Variants in FUNDC2 observed in about 807,000 individuals in gnomAD.
FUNDC2 encodes the protein FUN14 domain-containing protein 2.
In FUNDC2, 4 loss-of-function variants were observed where a neutral mutation model predicts 15.6. The observed-to-expected ratio is 0.26, with a 90% confidence interval of 0.13 to 0.59. The LOEUF (loss-of-function observed/expected upper bound fraction) is 0.59, where lower values mean the gene tolerates loss of function less well. Among genes scored for constraint, FUNDC2 ranks in the 20% least tolerant of loss-of-function variants. FUNDC2 has a pLI of 0.90. For synonymous variants in FUNDC2, 44 were observed against 56.9 expected, an observed-to-expected ratio of 0.77 and a Z score of 1.02; for missense variants, 98 against 149.7, an observed-to-expected ratio of 0.65 and a Z score of 1.80.
intron 2 of FUNDC2, among the ~76,000 whole-genome samples, chrX:155,034,503 T>C (rs1258353611): frequency 8.9e-6 from 1 of 111,827 alleles, no homozygotes; most frequent in Non-Finnish European, 1.9e-5. Context: ...CCAGTGTATA[T>C]GTGCATACAT....
chrX:155,030,868 G>A (rs1359532719), intron 1 of FUNDC2, among the ~76,000 whole-genome samples: 10 of 109,212 alleles, frequency 9.2e-5, no homozygotes, highest in Non-Finnish European at 1.9e-4. Context: ...GGTATTTTTA[G>A]TAGAGACGGG....
chrX:155,037,164 C>A (rs782394115), intron 2 of FUNDC2, among the ~76,000 whole-genome samples: 12 of 111,310 alleles, frequency 1.1e-4, no homozygotes, highest in Admixed American at 6.7e-4. Context: ...TTTTTGATAC[C>A]ATTATAAATG....
intron 2 of FUNDC2, among the ~76,000 whole-genome samples, chrX:155,036,677 A>C (rs1340601769): frequency 2.7e-5 from 3 of 110,686 alleles, no homozygotes; most frequent in African/African-American, 6.6e-5. Flanking sequence ...TAAGGTAGGA[A>C]TCCAAGTTTT....
At chrX:155,053,261 T>C (rs2073884115) in intron 4 of FUNDC2, among the ~76,000 whole-genome samples, 1 of 112,445 alleles carries the variant, frequency 8.9e-6, no homozygotes, top group Admixed American at 9.4e-5. Context: ...AGAGGGAGTT[T>C]GTTATAAAGT....
rs782090496 is a variant in FUNDC2 at position 155,055,019 on chromosome X, A to G, written c.*347A>G. 775 of 318,663 alleles carry G rather than the reference A, an allele frequency of 2.4e-3. 7 individuals are homozygous for G. The highest frequency in any genetic ancestry group is 0.019 in the African/African-American group (711 of 37,869). 26.3% of individuals were successfully genotyped at this position (318,663 alleles called of 1,213,427 possible). Reference sequence around the variant, plus strand: ...AGTGGATCCTGAAAGGTTGTCCCAAACTGTTGATTTGGAAAAGAAATAAGC... The same window carrying G: ...AGTGGATCCTGAAAGGTTGTCCCAAGCTGTTGATTTGGAAAAGAAATAAGC... On this transcript the variant is annotated 3_prime_UTR_variant, in exon 5 of 5. Coordinates refer to ENST00000369498, the MANE Select transcript of FUNDC2 (RefSeq NM_023934.4).
intron 2 of FUNDC2, among the ~76,000 whole-genome samples, chrX:155,041,356 C>A (rs999812331): frequency 1.8e-5 from 2 of 111,613 alleles, no homozygotes; most frequent in Non-Finnish European, 3.8e-5. Context: ...ATTATTTTTG[C>A]ATTAAATGTT....
Position 155,057,612 on chromosome X carries a change from G to A in FUNDC2, c.*2940G>A, listed in dbSNP as rs1232139394. ...ATAGGATGGCATCTACGTAGTGAAG[G>A]CTTCCCTTCCCTTGTCCTGCAGCGT... On this transcript the variant is annotated 3_prime_UTR_variant, in exon 5 of 5. Transcript: ENST00000369498. The A allele has an allele frequency of 8.9e-6, 1 of 111,933 alleles. No individual in the cohort carries two copies. The highest frequency in any genetic ancestry group is 2.8e-4 in the East Asian group (1 of 3,560). 9.2% of individuals were successfully genotyped at this position (111,933 alleles called of 1,213,427 possible).
intron 1 of FUNDC2, among the ~76,000 whole-genome samples, chrX:155,031,985 T>TG (rs2073816413): frequency 9.1e-6 from 1 of 110,264 alleles, no homozygotes; most frequent in Admixed American, 9.6e-5. Flanking sequence ...CATTTTTTTT[T>TG]TTTTTCTGAG....
intron 1 of FUNDC2, among the ~76,000 whole-genome samples, chrX:155,032,280 C>CTT (rs200923469): frequency 4.6e-3 from 288 of 62,660 alleles, no homozygotes; most frequent in Middle Eastern, 0.026. Context: ...CTGGTGCCTT[C>CTT]TTTTTTTTTT....
intron 4 of FUNDC2, among the ~76,000 whole-genome samples, chrX:155,053,239 C>T (rs1024556209): frequency 2.7e-5 from 3 of 112,276 alleles, no homozygotes; most frequent in African/African-American, 3.2e-5. Flanking sequence ...TTAGAACCAA[C>T]TGTTGACTCA....
In FUNDC2 at chrX:155,057,384, C is replaced by G. The variant is rs1569560317; in HGVS notation, c.*2712C>G. Reference sequence around the variant, plus strand: ...GACTGGAGAGGCCTGCTTAGCTAGGCACGTATTTTCTCCAGTAGCAGAGTC... The same window carrying G: ...GACTGGAGAGGCCTGCTTAGCTAGGGACGTATTTTCTCCAGTAGCAGAGTC... On this transcript the variant is annotated 3_prime_UTR_variant, in exon 5 of 5. Transcript: ENST00000369498. 2 of 111,317 alleles carry G rather than the reference C, an allele frequency of 1.8e-5. No homozygotes were observed. Among genetic ancestry groups the G allele is most frequent in the Admixed American group, 9.4e-5 (1 of 10,615 alleles). 9.2% of individuals were successfully genotyped at this position (111,317 alleles called of 1,213,427 possible).
At position 155,057,612 on chromosome X, in the gene FUNDC2, G is replaced by GCTTCC. The variant is rs1318083299; in HGVS notation, c.*2949_*2953dup. 8.9e-6 allele frequency: 1 copy of GCTTCC among 111,933 alleles called. No individual in the cohort carries two copies. The highest frequency in any genetic ancestry group is 3.3e-5 in the African/African-American group (1 of 30,693). The allele number at this position is 111,933 out of a possible 1,213,427, so 9.2% of individuals were successfully genotyped here. On this transcript the variant is annotated 3_prime_UTR_variant, in exon 5 of 5. Transcript: ENST00000369498. ...ATAGGATGGCATCTACGTAGTGAAG[G>GCTTCC]CTTCCCTTCCCTTGTCCTGCAGCGT...
intron 1 of FUNDC2, chrX:155,033,012 A>G (rs1244477759): frequency 1.7e-5 from 2 of 116,023 alleles, no homozygotes; most frequent in Admixed American, 1.8e-4. Flanking sequence ...ACGCCTGGCT[A>G]ATTTTTGTAT....
At chrX:155,035,452 T>G (rs1409329162) in intron 2 of FUNDC2, among the ~76,000 whole-genome samples, 2 of 112,018 alleles carry the variant, frequency 1.8e-5, no homozygotes, top group Non-Finnish European at 3.8e-5. Flanking sequence ...TGATACATTT[T>G]TACATATGTA....
intron 1 of FUNDC2, chrX:155,032,923 T>G (rs2073820132): frequency 8.8e-6 from 1 of 113,201 alleles, no homozygotes; most frequent in African/African-American, 3.2e-5. Context: ...CTCGGCTCAC[T>G]GCAACCTTTG....
intron 2 of FUNDC2, among the ~76,000 whole-genome samples, chrX:155,042,878 C>T (rs2073852075): frequency 9.0e-6 from 1 of 111,468 alleles, no homozygotes; most frequent in South Asian, 3.7e-4. Flanking sequence ...TAATCTTCTA[C>T]AGTGTCTAAA....
At chrX:155,052,460 C>T (rs781999827) in intron 4 of FUNDC2, among the ~76,000 whole-genome samples, 8 of 112,082 alleles carry the variant, frequency 7.1e-5, no homozygotes, top group Non-Finnish European at 1.5e-4. Context: ...TAAATAAGTA[C>T]ACTGAACTGG....
intron 3 of FUNDC2, chrX:155,049,563 C>T (rs1289987433): frequency 8.9e-6 from 1 of 112,263 alleles, no homozygotes; most frequent in Non-Finnish European, 1.9e-5. Flanking sequence ...TTTGGTGATT[C>T]CAGTTCCTTT....
chrX:155,031,392 G>T (rs782777271), intron 1 of FUNDC2, among the ~76,000 whole-genome samples: 57 of 111,828 alleles, frequency 5.1e-4, no homozygotes, highest in African/African-American at 1.8e-3. Flanking sequence ...GCAGTGGTGC[G>T]ATCCTTGGCT....
Sources: allele counts gnomAD v4.1 joint callset (sites outside exome capture counted in the v4.1 genomes callset), GRCh38; gene constraint gnomAD v4.1.1; transcripts MANE v1.5; gene names NCBI Gene and HGNC (gene_info 2026-07-23, HGNC 2026-07-21).